CATSPERB: variants seen among roughly 807,000 people sequenced by gnomAD.
The protein encoded by CATSPERB is catsper channel auxiliary subunit beta, also known as cation channel sperm-associated auxiliary subunit beta.
CATSPERB carries 93 observed loss-of-function variants against 128.3 expected under a neutral mutation model. The observed-to-expected ratio is 0.72, with a 90% CI of 0.61 to 0.86. The LOEUF is 0.86. CATSPERB is among the 40% of genes least tolerant of loss of function. The pLI, the probability that CATSPERB is intolerant of heterozygous loss-of-function variation, is 0.00. For synonymous variants in CATSPERB, 381 were observed against 448.8 expected, an observed-to-expected ratio of 0.85 and a Z score of 1.91; for missense variants, 1,153 against 1,329.5, an observed-to-expected ratio of 0.87 and a Z score of 2.06.
At chr14:91,663,067 T>C (rs115183132) in intron 14 of CATSPERB, among the ~76,000 whole-genome samples, 1,643 of 152,180 alleles carry the variant, frequency 0.011, 24 homozygotes, top group African/African-American at 0.035. Context: ...TCTTTCTCCT[T>C]CCTCCTCCCT....
At chr14:91,713,158 GAC>G (rs1464940547) in intron 5 of CATSPERB, among the ~76,000 whole-genome samples, 3 of 151,960 alleles carry the variant, frequency 2.0e-5, no homozygotes, top group Non-Finnish European at 4.4e-5. Context: ...AGCCATAGAA[GAC>G]ACATAAATAA....
Position 91,610,588 on chromosome 14 carries a change from A to T in CATSPERB, c.2490T>A (p.Ser830Arg). ...GAATGTGATGCATAGATCTGAGATAACTACAGCTGCTTTTCAGTGTTGGCA... is the reference window on the plus strand; with the variant it reads ...GAATGTGATGCATAGATCTGAGATATCTACAGCTGCTTTTCAGTGTTGGCA... ...TMVPTLKSSCSYLRSMHHIPS... is the reference protein window; with the variant it reads ...TMVPTLKSSCRYLRSMHHIPS... Residue 830 changes from serine to arginine, a missense_variant, in exon 21 of 27, where the codon AGT becomes AGA. Transcript: ENST00000256343. 6.2e-7 allele frequency: 1 copy of T among 1,614,182 alleles called. No individual in the cohort carries two copies. Among genetic ancestry groups the T allele is most frequent in the Non-Finnish European group, 8.5e-7 (1 of 1,180,026 alleles).
At chr14:91,670,056 G>C (rs1895060777) in intron 13 of CATSPERB, 84 bp from the exon 14 acceptor site, 2 of 1,187,196 alleles carry the variant, frequency 1.7e-6, no homozygotes, top group Non-Finnish European at 2.5e-6. Flanking sequence ...TTTTGATTAA[G>C]AGAGAGATAC....
chr14:91,634,568 T>C (rs949017960), intron 17 of CATSPERB, among the ~76,000 whole-genome samples: 1 of 150,982 alleles, frequency 6.6e-6, no homozygotes, highest in South Asian at 2.1e-4. Context: ...TGAATACATA[T>C]GCTTATTGTA....
rs147724605 is a variant in CATSPERB at position 91,612,316 on chromosome 14, A to G, written c.2401-1639T>C. Among the ~76,000 whole-genome samples the G allele has an allele frequency of 4.6e-3, 702 of 152,108 alleles. 3 individuals are homozygous for G. The highest frequency in any genetic ancestry group is 0.016 in the African/African-American group (669 of 41,484). On this transcript the variant is annotated intron_variant, in intron 20 of 26. Transcript: ENST00000256343. ...CCATGCTGTGCAAATAACTAAAAAA[A>G]TTTTTTTAAATTTTTATAGAGACGG...
intron 15 of CATSPERB, among the ~76,000 whole-genome samples, chr14:91,640,365 G>C (rs1432016579): frequency 1.5e-5 from 2 of 132,606 alleles, no homozygotes; most frequent in South Asian, 5.1e-4. Flanking sequence ...TCTAGCATTA[G>C]GTATATCTCC....
chr14:91,666,790 G>T (rs944187501), intron 14 of CATSPERB, among the ~76,000 whole-genome samples: 4 of 152,174 alleles, frequency 2.6e-5, no homozygotes, highest in Non-Finnish European at 5.9e-5. Flanking sequence ...TTGAGGGACT[G>T]GTGCTTCAAA....
intron 19 of CATSPERB, among the ~76,000 whole-genome samples, chr14:91,621,275 T>G (rs1894036898): frequency 6.6e-6 from 1 of 151,900 alleles, no homozygotes; most frequent in African/African-American, 2.4e-5. Context: ...TGGTGTACAC[T>G]TGTAATCCCA....
At chr14:91,693,074 T>A in intron 9 of CATSPERB, 52 bp downstream of exon 9, 3 of 1,177,968 alleles carry the variant, frequency 2.5e-6, no homozygotes, top group Non-Finnish European at 3.7e-6. Context: ...TTTCTTTTTG[T>A]GTCACAGAAG....
chr14:91,633,799 A>G (rs1894318053), intron 17 of CATSPERB, among the ~76,000 whole-genome samples: 1 of 152,010 alleles, frequency 6.6e-6, no homozygotes, highest in South Asian at 2.1e-4. Context: ...AAAGGGTTTA[A>G]GAAAACTATG....
chr14:91,671,173 G>T (rs1895081339), intron 13 of CATSPERB, among the ~76,000 whole-genome samples: 1 of 152,210 alleles, frequency 6.6e-6, no homozygotes, highest in Non-Finnish European at 1.5e-5. Context: ...CTAGAAGGAA[G>T]AATGTAAATA....
chr14:91,694,482 G>A (rs1895525833), intron 7 of CATSPERB, among the ~76,000 whole-genome samples: 1 of 145,990 alleles, frequency 6.8e-6, no homozygotes, highest in African/African-American at 2.5e-5. Context: ...CTGTTGTGTG[G>A]ATTTAATTCA....
chr14:91,655,011 G>A (rs79133934), intron 15 of CATSPERB, among the ~76,000 whole-genome samples: 6,820 of 151,718 alleles, frequency 0.045, 522 homozygotes, highest in African/African-American at 0.16. Flanking sequence ...GTCTCTTCCT[G>A]TAATACCTGG....
At chr14:91,650,387 T>C (rs74317923) in intron 15 of CATSPERB, among the ~76,000 whole-genome samples, 1,644 of 152,286 alleles carry the variant, frequency 0.011, 24 homozygotes, top group African/African-American at 0.035. Context: ...CCATAATTTG[T>C]TGTAGAAGAA....
intron 11 of CATSPERB, among the ~76,000 whole-genome samples, chr14:91,682,597 G>A (rs938904331): frequency 2.6e-5 from 4 of 152,170 alleles, no homozygotes; most frequent in Non-Finnish European, 4.4e-5. Context: ...TCCTTTGATT[G>A]GACTGGCAGA....
chr14:91,674,103 G>T lies in CATSPERB; in HGVS notation c.978+73C>A, dbSNP rs554404309. On this transcript the variant is annotated intron_variant, in intron 12 of 26. Transcript: ENST00000256343. ...CAGTCTGTAGAATTGCCATTTTTTA[G>T]ATTAATCCCAATCCATGAAGTCCCC... The T allele has an allele frequency of 3.1e-5, 26 of 847,994 alleles. No individual in the cohort carries two copies. The Admixed American group carries it at 5.6e-4, about 18-fold the overall frequency. The allele number at this position is 847,994 out of a possible 1,614,324, so 52.5% of individuals were successfully genotyped here. A position where few individuals can be genotyped will look rare whatever the true frequency, so the allele number is the denominator to read the frequency against.
chr14:91,597,784 G>C (rs979975836), intron 22 of CATSPERB, among the ~76,000 whole-genome samples: 1 of 152,108 alleles, frequency 6.6e-6, no homozygotes, highest in African/African-American at 2.4e-5. Flanking sequence ...TTTAATTGCT[G>C]TCAGTGTTTA....
intron 1 of CATSPERB, among the ~76,000 whole-genome samples, chr14:91,730,152 T>G (rs773133590): frequency 1.7e-4 from 26 of 152,096 alleles, no homozygotes; most frequent in South Asian, 2.1e-4. Context: ...GGCAATCATG[T>G]TTGGAGATAG....
chr14:91,587,094 C>T, intron 26 of CATSPERB, 108 bp downstream of exon 26: 1 of 780,778 alleles, frequency 1.3e-6, no homozygotes, highest in South Asian at 1.9e-5. Flanking sequence ...TAAGCCTTGT[C>T]CATCACACAA....
Sources: gnomAD v4.1 joint callset for allele counts (sites outside exome capture counted in the v4.1 genomes callset) on GRCh38, gnomAD v4.1.1 for gene constraint, MANE v1.5 for transcripts, NCBI Gene and HGNC (gene_info 2026-07-23, HGNC 2026-07-21) for gene names.